The following ROBO1 variants were observed in gnomAD, a reference collection of about 807,000 sequenced individuals.
ROBO1 encodes roundabout guidance receptor 1.
Under a neutral mutation model 195.9 loss-of-function variants are expected in ROBO1, and 149 were observed. The ratio of observed to expected loss-of-function variants is 0.76; its 90% confidence interval spans 0.67 to 0.87. The LOEUF (loss-of-function observed/expected upper bound fraction) is 0.87, where lower values mean the gene tolerates loss of function less well. Among genes scored for constraint, ROBO1 ranks in the 40% least tolerant of loss-of-function variants. ROBO1 has a pLI of 0.00. For synonymous variants in ROBO1, 816 were observed against 733.2 expected (o/e 1.11, Z -1.82); for missense variants, 1,933 against 2,068.3 (o/e 0.93, Z 1.27).
chr3:79,655,133 T>A (rs1946122383), intron 1 of ROBO1, among the ~76,000 whole-genome samples: 1 of 152,070 alleles, frequency 6.6e-6, no homozygotes, highest in African/African-American at 2.4e-5. Flanking sequence ...ATAATTACTT[T>A]AAAATATGAA....
At chr3:79,640,820 T>C (rs1376827742) in intron 1 of ROBO1, among the ~76,000 whole-genome samples, 1 of 152,162 alleles carries the variant, frequency 6.6e-6, no homozygotes, top group African/African-American at 2.4e-5. Flanking sequence ...ATACAATGGA[T>C]TTTCTCACCA....
chr3:78,656,056 A>C (rs995019166), intron 18 of ROBO1, among the ~76,000 whole-genome samples: 12 of 151,144 alleles, frequency 7.9e-5, no homozygotes, highest in Non-Finnish European at 1.8e-4. Flanking sequence ...GCACTTACTA[A>C]TTTGTACTTT....
chr3:79,393,007 C>G (rs1368559587), intron 2 of ROBO1, among the ~76,000 whole-genome samples: 1 of 152,194 alleles, frequency 6.6e-6, no homozygotes, highest in East Asian at 1.9e-4. Context: ...CTCCACTCTT[C>G]CAAATATACT....
chr3:78,851,785 A>C (rs1288767008), intron 4 of ROBO1, among the ~76,000 whole-genome samples: 1 of 152,186 alleles, frequency 6.6e-6, no homozygotes. Context: ...TAAAACAACA[A>C]AAAGCATGGA....
At chr3:78,947,694 A>G (rs1431365619) in intron 3 of ROBO1, among the ~76,000 whole-genome samples, 1 of 152,234 alleles carries the variant, frequency 6.6e-6, no homozygotes, top group Non-Finnish European at 1.5e-5. Context: ...TGACGGAAAT[A>G]GAGACAATAA....
chr3:79,752,862 G>A (rs563558678), intron 1 of ROBO1, among the ~76,000 whole-genome samples: 65 of 152,032 alleles, frequency 4.3e-4, no homozygotes, highest in Non-Finnish European at 8.8e-4. Flanking sequence ...TTAAAAATGA[G>A]GGATCATCAA....
intron 4 of ROBO1, among the ~76,000 whole-genome samples, chr3:78,912,388 C>T (rs1311372882): frequency 1.3e-5 from 2 of 152,038 alleles, no homozygotes; most frequent in Non-Finnish European, 2.9e-5. Context: ...GTCTCCACTC[C>T]GTGAAGACAG....
intron 1 of ROBO1, among the ~76,000 whole-genome samples, chr3:79,665,104 C>A (rs935364205): frequency 6.6e-6 from 1 of 151,558 alleles, no homozygotes; most frequent in Non-Finnish European, 1.5e-5. Flanking sequence ...AAAATATTTG[C>A]GGAAAATATT....
chr3:78,768,327 T>G (rs2083280533), intron 4 of ROBO1, among the ~76,000 whole-genome samples: 2 of 150,534 alleles, frequency 1.3e-5, no homozygotes, highest in South Asian at 4.2e-4. Flanking sequence ...TTTCTTAAAT[T>G]TTTTTTTTTA....
chr3:78,837,567 T>C (rs1451859509), intron 4 of ROBO1, among the ~76,000 whole-genome samples: 1 of 152,144 alleles, frequency 6.6e-6, no homozygotes, highest in African/African-American at 2.4e-5. Flanking sequence ...GAGATACCCA[T>C]GCAATTAAGT....
chr3:78,894,744 A>G (rs2037129947), intron 4 of ROBO1, among the ~76,000 whole-genome samples: 1 of 152,204 alleles, frequency 6.6e-6, no homozygotes, highest in Admixed American at 6.5e-5. Context: ...TGTGGCTGCC[A>G]TATGTGGCTG....
At chr3:79,586,807 T>C (rs1278681294) in intron 2 of ROBO1, among the ~76,000 whole-genome samples, 2 of 151,920 alleles carry the variant, frequency 1.3e-5, no homozygotes, top group East Asian at 3.9e-4. Flanking sequence ...GATTAGTATC[T>C]GTCAGATTCC....
chr3:79,501,813 C>A (rs944745632), intron 2 of ROBO1, among the ~76,000 whole-genome samples: 1 of 152,184 alleles, frequency 6.6e-6, no homozygotes, highest in South Asian at 2.1e-4. Flanking sequence ...AACATACATG[C>A]TTCCAAGGCC....
intron 3 of ROBO1, among the ~76,000 whole-genome samples, chr3:78,965,566 G>A (rs1352786158): frequency 2.6e-5 from 4 of 151,390 alleles, no homozygotes; most frequent in Non-Finnish European, 5.9e-5. Context: ...TCATTCCCAG[G>A]ACAAGTTCAA....
intron 4 of ROBO1, among the ~76,000 whole-genome samples, chr3:78,755,105 G>A (rs2082895080): frequency 6.6e-6 from 1 of 152,144 alleles, no homozygotes; most frequent in African/African-American, 2.4e-5. Context: ...GCAACATAGT[G>A]TTATAATGAA....
intron 2 of ROBO1, among the ~76,000 whole-genome samples, chr3:79,556,171 TAGAG>T (rs1462592385): frequency 6.6e-6 from 1 of 152,090 alleles, no homozygotes. Context: ...CTTTAGTTCT[TAGAG>T]AAATTTTAAT....
intron 2 of ROBO1, among the ~76,000 whole-genome samples, chr3:79,395,298 G>A (rs533319218): frequency 3.8e-5 from 5 of 133,280 alleles, no homozygotes; most frequent in African/African-American, 5.6e-5. Context: ...CTCCAGCCTG[G>A]GCGATAGAGC....
chr3:79,017,097 TTC>T (rs1237512609), intron 3 of ROBO1, among the ~76,000 whole-genome samples: 3 of 152,306 alleles, frequency 2.0e-5, no homozygotes, highest in South Asian at 4.1e-4. Context: ...AAACTTCACT[TTC>T]TGTTTTCTTT....
intron 2 of ROBO1, among the ~76,000 whole-genome samples, chr3:79,363,209 C>A (rs536373055): frequency 6.6e-6 from 1 of 152,228 alleles, no homozygotes; most frequent in Non-Finnish European, 1.5e-5. Flanking sequence ...CCAGTCTTAG[C>A]CATGATGAGT....
Sources: allele counts gnomAD v4.1 joint callset (sites outside exome capture counted in the v4.1 genomes callset), GRCh38; gene constraint gnomAD v4.1.1; transcripts MANE v1.5; gene names NCBI Gene and HGNC (gene_info 2026-07-23, HGNC 2026-07-21).